Variants in TENM2 observed in about 807,000 individuals in gnomAD.
TENM2 encodes the protein teneurin transmembrane protein 2, also known as teneurin-2.
Under a neutral mutation model 245.2 loss-of-function variants are expected in TENM2, and 52 were observed. That is an observed-to-expected ratio of 0.21 (90% CI 0.17 to 0.27). TENM2 has a LOEUF of 0.27. Ranked by LOEUF, TENM2 falls within the 10% of genes least tolerant of loss-of-function variation. TENM2 has a pLI of 1.00. For synonymous variants in TENM2, 1,363 were observed against 1,438.9 expected (o/e 0.95, Z 1.19); for missense variants, 3,046 against 3,666.8 (o/e 0.83, Z 4.37).
At chr5:167,945,924 C>T (rs1165257012) in intron 3 of TENM2, among the ~76,000 whole-genome samples, 1 of 152,130 alleles carries the variant, frequency 6.6e-6, no homozygotes, top group Non-Finnish European at 1.5e-5. Context: ...TTGACTCACT[C>T]CTTCATCCCC....
intron 3 of TENM2, among the ~76,000 whole-genome samples, chr5:167,905,551 C>T (rs561084784): frequency 2.6e-5 from 4 of 152,144 alleles, no homozygotes; most frequent in African/African-American, 4.8e-5. Flanking sequence ...TCCAAGAAAT[C>T]CCTATGAGAC....
chr5:167,493,027 A>G (rs1361911926), intron 2 of TENM2, among the ~76,000 whole-genome samples: 1 of 152,118 alleles, frequency 6.6e-6, no homozygotes, highest in Non-Finnish European at 1.5e-5. Flanking sequence ...AGGTAAGGTA[A>G]TTGTTAGGAA....
At chr5:167,262,651 A>G in the TENM2 span, among the ~76,000 whole-genome samples, 1 of 152,142 alleles carries the variant, frequency 6.6e-6, no homozygotes, top group East Asian at 1.9e-4. Flanking sequence ...TAAAGAAGAT[A>G]TATTTTATAT....
chr5:167,271,067 C>T, the TENM2 span, among the ~76,000 whole-genome samples: 1 of 152,020 alleles, frequency 6.6e-6, no homozygotes, highest in Admixed American at 6.6e-5. Context: ...TCTAGTGTGG[C>T]TTTCAATCTC....
At chr5:168,114,636 GC>G in intron 9 of TENM2, among the ~76,000 whole-genome samples, 1 of 152,128 alleles carries the variant, frequency 6.6e-6, no homozygotes, top group African/African-American at 2.4e-5. Context: ...TCTGCACTCT[GC>G]CCCATGGCAA....
intron 2 of TENM2, among the ~76,000 whole-genome samples, chr5:167,480,593 CAA>C (rs1179392549): frequency 2.0e-5 from 3 of 152,188 alleles, no homozygotes; most frequent in Non-Finnish European, 4.4e-5. Flanking sequence ...CATTTTGACA[CAA>C]AATCTAGATG....
chr5:168,040,763 C>G (rs75591444), intron 5 of TENM2, among the ~76,000 whole-genome samples: 3,629 of 152,240 alleles, frequency 0.024, 68 homozygotes, highest in African/African-American at 0.025. Flanking sequence ...TTGCAGTGGG[C>G]CCCCTCCTCT....
At chr5:167,083,581 G>A in the TENM2 span, among the ~76,000 whole-genome samples, 1 of 152,152 alleles carries the variant, frequency 6.6e-6, no homozygotes, top group East Asian at 1.9e-4. Flanking sequence ...CAGTGTCATT[G>A]CAGAAGTGCT....
At chr5:167,851,590 C>A (rs554660602) in intron 2 of TENM2, among the ~76,000 whole-genome samples, 7 of 152,244 alleles carry the variant, frequency 4.6e-5, no homozygotes, top group African/African-American at 1.7e-4. Context: ...CGAGGGTAGA[C>A]TTTTGACTAT....
At chr5:167,678,185 G>A (rs1219380530) in intron 2 of TENM2, among the ~76,000 whole-genome samples, 1 of 152,004 alleles carries the variant, frequency 6.6e-6, no homozygotes, top group Admixed American at 6.6e-5. Context: ...GGAATTACAG[G>A]TGATTTTTCT....
At chr5:166,997,000 T>C in the TENM2 span, among the ~76,000 whole-genome samples, 1 of 152,210 alleles carries the variant, frequency 6.6e-6, no homozygotes, top group Non-Finnish European at 1.5e-5. Context: ...ATTACTAGTC[T>C]TTATTCACAC....
chr5:167,734,360 C>T (rs530125246), intron 2 of TENM2, among the ~76,000 whole-genome samples: 21 of 151,922 alleles, frequency 1.4e-4, no homozygotes, highest in African/African-American at 4.6e-4. Context: ...GAGAAATATT[C>T]ATCCACTTCT....
chr5:167,388,587 T>C (rs1182683822), intron 2 of TENM2, among the ~76,000 whole-genome samples: 1 of 152,102 alleles, frequency 6.6e-6, no homozygotes, highest in Non-Finnish European at 1.5e-5. Flanking sequence ...CCTTGAGGTG[T>C]GATCTTAGAT....
the TENM2 span, among the ~76,000 whole-genome samples, chr5:167,100,696 CT>C: frequency 1.3e-5 from 2 of 149,624 alleles, no homozygotes; most frequent in South Asian, 4.3e-4. Context: ...GGATTTTTTT[CT>C]TTTTTTGGGG....
intron 6 of TENM2, among the ~76,000 whole-genome samples, chr5:168,061,117 C>A (rs1450869682): frequency 6.6e-6 from 1 of 152,118 alleles, no homozygotes; most frequent in Non-Finnish European, 1.5e-5. Flanking sequence ...TTTCAGTTGG[C>A]TCAGCAGTTC....
chr5:167,692,248 C>A (rs953638966), intron 2 of TENM2, among the ~76,000 whole-genome samples: 2 of 152,058 alleles, frequency 1.3e-5, no homozygotes, highest in African/African-American at 4.8e-5. Flanking sequence ...AGTATTAGGT[C>A]AATAATTATT....
chr5:167,145,130 C>T, the TENM2 span, among the ~76,000 whole-genome samples: 5 of 152,288 alleles, frequency 3.3e-5, no homozygotes, highest in East Asian at 5.8e-4. Flanking sequence ...CTGAATACTC[C>T]GTAATAATCT....
At chr5:167,380,390 A>C (rs996963731) in intron 2 of TENM2, among the ~76,000 whole-genome samples, 1 of 152,170 alleles carries the variant, frequency 6.6e-6, no homozygotes, top group Admixed American at 6.5e-5. Flanking sequence ...ATGAGACTTT[A>C]GAGGTTTACG....
At chr5:167,360,506 C>T (rs1759645666) in intron 1 of TENM2, among the ~76,000 whole-genome samples, 1 of 152,116 alleles carries the variant, frequency 6.6e-6, no homozygotes, top group Non-Finnish European at 1.5e-5. Context: ...ATTCCCAGCT[C>T]CCATATGGTA....
Sources: gnomAD v4.1 joint callset for allele counts (sites outside exome capture counted in the v4.1 genomes callset) on GRCh38, gnomAD v4.1.1 for gene constraint, MANE v1.5 for transcripts, NCBI Gene and HGNC (gene_info 2026-07-23, HGNC 2026-07-21) for gene names.